Variants in NRG3 observed in about 807,000 individuals in gnomAD.
NRG3 encodes neuregulin 3, also known as pro-neuregulin-3, membrane-bound isoform.
A neutral mutation model predicts 66.9 loss-of-function variants in NRG3; 31 were observed. That is an observed-to-expected ratio of 0.46 (90% CI 0.35 to 0.63). The LOEUF is 0.63. Among genes scored for constraint, NRG3 ranks in the 20% least tolerant of loss-of-function variants. The probability of loss-of-function intolerance (pLI) is 0.00; values close to 1 mark genes in which losing one functional copy is unlikely to be tolerated. For synonymous variants in NRG3, 393 were observed against 359.4 expected, an observed-to-expected ratio of 1.09 and a Z score of -1.06; for missense variants, 910 against 878.9, an observed-to-expected ratio of 1.04 and a Z score of -0.45.
intron 2 of NRG3, among the ~76,000 whole-genome samples, chr10:82,582,951 G>A (rs2046449700): frequency 6.6e-6 from 1 of 152,028 alleles, no homozygotes; most frequent in Non-Finnish European, 1.5e-5. Context: ...TTCTCCCCTA[G>A]GACAGATAAG....
At chr10:81,907,067 CT>C (rs1844664951) in intron 1 of NRG3, among the ~76,000 whole-genome samples, 1 of 152,138 alleles carries the variant, frequency 6.6e-6, no homozygotes, top group Non-Finnish European at 1.5e-5. Flanking sequence ...GCCTGTTAGA[CT>C]TCCAGTAATA....
intron 2 of NRG3, among the ~76,000 whole-genome samples, chr10:82,387,619 C>T (rs907952537): frequency 2.6e-5 from 4 of 152,186 alleles, no homozygotes; most frequent in African/African-American, 9.7e-5. Context: ...TGCAAATTAG[C>T]TGTTCCTACC....
At chr10:82,928,015 A>C (rs933609584) in intron 4 of NRG3, among the ~76,000 whole-genome samples, 1 of 152,050 alleles carries the variant, frequency 6.6e-6, no homozygotes, top group African/African-American at 2.4e-5. Context: ...GTTGTTTCCT[A>C]ACTTTTTAAT....
chr10:82,732,863 A>C (rs2057982047), intron 2 of NRG3, among the ~76,000 whole-genome samples: 1 of 152,178 alleles, frequency 6.6e-6, no homozygotes, highest in Admixed American at 6.5e-5. Context: ...AAGGACTGAC[A>C]CTGAGGCTGA....
At chr10:82,068,408 G>A (rs2064611717) in intron 1 of NRG3, among the ~76,000 whole-genome samples, 1 of 152,100 alleles carries the variant, frequency 6.6e-6, no homozygotes, top group Admixed American at 6.5e-5. Flanking sequence ...AATGTATCAA[G>A]CACATACTAC....
rs368338884 is a variant in NRG3 at position 81,947,411 on chromosome 10, T to C, written c.823+71248T>C. 9.5e-4 allele frequency among the ~76,000 whole-genome samples: 145 copies of C among 152,244 alleles called. No individual in the cohort carries two copies. The Middle Eastern group carries it at 0.01, about 11-fold the overall frequency. On this transcript the variant is annotated intron_variant, in intron 1 of 8. Transcript: ENST00000372141. ...AGGTACACAATTCAACTCACAACAG[T>C]AACCAAAATGACTTTTCAGGCTGGT...
At chr10:82,766,327 CT>C (rs941578116) in intron 3 of NRG3, among the ~76,000 whole-genome samples, 1 of 152,116 alleles carries the variant, frequency 6.6e-6, no homozygotes, top group African/African-American at 2.4e-5. Context: ...TATTGTGATG[CT>C]GACATGTGAT....
At chr10:82,351,557 C>A (rs574209337) in intron 1 of NRG3, among the ~76,000 whole-genome samples, 9 of 152,266 alleles carry the variant, frequency 5.9e-5, no homozygotes, top group Non-Finnish European at 8.8e-5. Context: ...AGGGCCCCAC[C>A]AGCATAGACT....
chr10:82,720,845 C>T (rs2057272392), intron 2 of NRG3, among the ~76,000 whole-genome samples: 1 of 90,864 alleles, frequency 1.1e-5, no homozygotes, highest in African/African-American at 7.5e-5. Flanking sequence ...ATATATATCA[C>T]CCATCACTTG....
At chr10:82,682,243 G>C (rs185843423) in intron 2 of NRG3, among the ~76,000 whole-genome samples, 1 of 151,724 alleles carries the variant, frequency 6.6e-6, no homozygotes, top group Admixed American at 6.6e-5. Flanking sequence ...AGCAAGGCTC[G>C]TCACCACAAA....
At chr10:82,868,801 T>C (rs1034000732) in intron 4 of NRG3, among the ~76,000 whole-genome samples, 1 of 152,174 alleles carries the variant, frequency 6.6e-6, no homozygotes, top group Non-Finnish European at 1.5e-5. Context: ...CAAGAGATTC[T>C]CCTGCCTCAG....
chr10:82,730,793 C>T (rs1324608627), intron 2 of NRG3, among the ~76,000 whole-genome samples: 1 of 152,054 alleles, frequency 6.6e-6, no homozygotes, highest in African/African-American at 2.4e-5. Flanking sequence ...TCTCAGTTTC[C>T]GTGATGAGTG....
intron 3 of NRG3, among the ~76,000 whole-genome samples, chr10:82,755,220 C>T (rs1225474056): frequency 8.5e-5 from 13 of 152,076 alleles, no homozygotes; most frequent in Non-Finnish European, 1.5e-5. Context: ...GAAATAGACC[C>T]TGTAGCCAGA....
intron 1 of NRG3, among the ~76,000 whole-genome samples, chr10:81,940,371 C>T (rs1426530588): frequency 1.3e-5 from 2 of 151,884 alleles, no homozygotes; most frequent in Non-Finnish European, 2.9e-5. Context: ...TTTTTAGAGT[C>T]AGTTTCACTC....
At chr10:82,945,130 C>T (rs909396911) in intron 4 of NRG3, among the ~76,000 whole-genome samples, 4 of 152,172 alleles carry the variant, frequency 2.6e-5, no homozygotes, top group Admixed American at 6.6e-5. Flanking sequence ...CCTCAGCTTG[C>T]TTTTCTGTCT....
chr10:82,892,941 T>C (rs773595295), intron 4 of NRG3, among the ~76,000 whole-genome samples: 2 of 151,960 alleles, frequency 1.3e-5, no homozygotes, highest in Non-Finnish European at 2.9e-5. Context: ...TATATAAAGG[T>C]AAAAATATGT....
At chr10:81,877,973 A>G (rs376035634) in intron 1 of NRG3, 45 of 1,537,482 alleles carry the variant, frequency 2.9e-5, no homozygotes, top group Non-Finnish European at 3.9e-5. Context: ...GGAGTGTGGT[A>G]TACCTCCAAC....
chr10:82,805,882 A>G (rs2061258174), intron 3 of NRG3, among the ~76,000 whole-genome samples: 1 of 152,218 alleles, frequency 6.6e-6, no homozygotes, highest in South Asian at 2.1e-4. Context: ...CCTGTTCCAA[A>G]GACTTCTTAG....
intron 3 of NRG3, among the ~76,000 whole-genome samples, chr10:82,817,926 A>C (rs2061783109): frequency 6.6e-6 from 1 of 152,236 alleles, no homozygotes; most frequent in African/African-American, 2.4e-5. Context: ...ATGATAAATA[A>C]GTGTGATGAA....
Sources: allele counts gnomAD v4.1 joint callset (sites outside exome capture counted in the v4.1 genomes callset), GRCh38; gene constraint gnomAD v4.1.1; transcripts MANE v1.5; gene names NCBI Gene and HGNC (gene_info 2026-07-23, HGNC 2026-07-21).